Variants in PCLAF observed in about 807,000 individuals in gnomAD.
PCLAF encodes PCNA clamp associated factor, also known as PCNA-associated factor.
A neutral mutation model predicts 15.1 loss-of-function variants in PCLAF; 12 were observed. The observed-to-expected ratio is 0.79, with a 90% confidence interval of 0.51 to 1.29. The LOEUF (loss-of-function observed/expected upper bound fraction) is 1.29. Among genes scored for constraint, PCLAF ranks in the 50% most tolerant of loss-of-function variants. The probability of loss-of-function intolerance (pLI) is 0.00; values close to 1 mark genes in which losing one functional copy is unlikely to be tolerated. For synonymous variants in PCLAF, 33 were observed against 47.1 expected (o/e 0.70, Z 1.22); for missense variants, 116 against 130.9 (o/e 0.89, Z 0.56).
At chr15:64,376,030 GC>G (rs1899591057) in intron 3 of PCLAF, among the ~76,000 whole-genome samples, 1 of 152,154 alleles carries the variant, frequency 6.6e-6, no homozygotes, top group African/African-American at 2.4e-5. Context: ...TTCAAGACCA[GC>G]CTGGCCAACA....
At chr15:64,373,394 T>C (rs971205049) in intron 3 of PCLAF, 2 of 293,958 alleles carry the variant, frequency 6.8e-6, no homozygotes, top group Non-Finnish European at 1.2e-5. Context: ...GTAGATTTGA[T>C]GAAGACCTGG....
rs991786292 is a variant in PCLAF at position 64,364,487 on chromosome 15, G to A, written c.*1543C>T. 2 of 151,982 alleles carry A rather than the reference G, an allele frequency of 1.3e-5. No individual in the cohort carries two copies. Among genetic ancestry groups the A allele is most frequent in the African/African-American group, 2.4e-5 (1 of 41,400 alleles). The allele number at this position is 151,982 out of a possible 1,614,324, so 9.4% of individuals were successfully genotyped here. A position where few individuals can be genotyped will look rare whatever the true frequency, so the allele number is the denominator to read the frequency against. On this transcript the variant is annotated 3_prime_UTR_variant, in exon 4 of 4. Coordinates refer to ENST00000300035, the MANE Select transcript of PCLAF (RefSeq NM_014736.6). ...TGTCATAGTAGCTCTTAGGAGTTTT[G>A]CCATGCCTATGGGTTTATGGCATGA... is the stretch of plus-strand genomic sequence containing the variant.
intron 3 of PCLAF, 85 bp downstream of exon 3, chr15:64,376,658 A>T: frequency 9.2e-7 from 1 of 1,082,448 alleles, no homozygotes; most frequent in East Asian, 2.6e-5. Flanking sequence ...GCCTCAAGTG[A>T]TCCTCCCGCC....
At chr15:64,381,075 C>T in intron 1 of PCLAF, 37 bp from the exon 2 acceptor site, 1 of 1,597,536 alleles carries the variant, frequency 6.3e-7, no homozygotes, top group Non-Finnish European at 8.6e-7. Flanking sequence ...TCAGAAGGGG[C>T]AGGAGGGTTC....
chr15:64,381,195 A>G (rs1899805430), intron 1 of PCLAF, 131 bp downstream of exon 1: 2 of 1,235,716 alleles, frequency 1.6e-6, no homozygotes. Context: ...TAAAGGGGCC[A>G]GGCGGCTACT....
At chr15:64,376,332 C>G (rs895451814) in intron 3 of PCLAF, among the ~76,000 whole-genome samples, 1 of 151,922 alleles carries the variant, frequency 6.6e-6, no homozygotes, top group African/African-American at 2.4e-5. Context: ...AGAAACTTGA[C>G]TCAATATCCT....
chr15:64,370,658 C>T (rs1469008387), intron 3 of PCLAF, among the ~76,000 whole-genome samples: 1 of 149,676 alleles, frequency 6.7e-6, no homozygotes, highest in East Asian at 2.0e-4. Flanking sequence ...CACAAGCCAC[C>T]GCACCCAGGC....
intron 3 of PCLAF, chr15:64,373,704 G>C (rs1242490610): frequency 6.5e-7 from 1 of 1,535,594 alleles, no homozygotes; most frequent in Non-Finnish European, 8.7e-7. Context: ...TTACCCATTT[G>C]GATCAGTGTG....
At chr15:64,387,263 T>A (rs571900216) in intron 1 of PCLAF, among the ~76,000 whole-genome samples, 34 of 152,144 alleles carry the variant, frequency 2.2e-4, no homozygotes, top group African/African-American at 8.0e-4. Flanking sequence ...GTGCCTGTAG[T>A]CCCAGCTACT....
intron 3 of PCLAF, 103 bp from the exon 4 acceptor site, chr15:64,366,178 T>C (rs1254923741): frequency 1.2e-5 from 9 of 744,160 alleles, no homozygotes; most frequent in Non-Finnish European, 1.7e-5. Flanking sequence ...AACAGTGCAG[T>C]AGATCTGGTC....
chr15:64,382,514 C>T (rs149267433), upstream of PCLAF: 85 of 153,670 alleles, frequency 5.5e-4, no homozygotes, highest in Non-Finnish European at 9.3e-4. Context: ...TGAAATGAAA[C>T]GAAACGAAAC....
At chr15:64,374,295 A>C (rs899697145) in intron 3 of PCLAF, among the ~76,000 whole-genome samples, 3 of 152,140 alleles carry the variant, frequency 2.0e-5, no homozygotes, top group Non-Finnish European at 4.4e-5. Flanking sequence ...TAATCCCAGC[A>C]CTTTGGGAGG....
At chr15:64,385,966 G>A (rs1307207500), upstream of PCLAF, among the ~76,000 whole-genome samples, 1 of 152,134 alleles carries the variant, frequency 6.6e-6, no homozygotes, top group Non-Finnish European at 1.5e-5. Flanking sequence ...TCTCCTGCTT[G>A]CAGATGGCCT....
chr15:64,377,488 A>AATATAT (rs1166593614), intron 2 of PCLAF, among the ~76,000 whole-genome samples: 23 of 29,288 alleles, frequency 7.9e-4, no homozygotes, highest in African/African-American at 8.7e-4. Flanking sequence ...AAAAAAAAAA[A>AATATAT]ATATATATAT....
intron 2 of PCLAF, among the ~76,000 whole-genome samples, chr15:64,377,747 G>GTTT (rs34009261): frequency 6.7e-5 from 2 of 30,070 alleles, no homozygotes; most frequent in African/African-American, 1.0e-4. Flanking sequence ...AATTCCTGGT[G>GTTT]TTTTTTTTTT....
At chr15:64,370,589 G>A (rs1040434253) in intron 3 of PCLAF, among the ~76,000 whole-genome samples, 2 of 151,572 alleles carry the variant, frequency 1.3e-5, no homozygotes, top group African/African-American at 4.9e-5. Flanking sequence ...GGCTGGTCTC[G>A]AACTCCTGAC....
chr15:64,373,976 GT>G (rs927913776), intron 3 of PCLAF, among the ~76,000 whole-genome samples: 3 of 150,592 alleles, frequency 2.0e-5, no homozygotes, highest in Non-Finnish European at 3.0e-5. Context: ...TTTTCCCTTG[GT>G]TTTTTTTTCT....
upstream of PCLAF, among the ~76,000 whole-genome samples, chr15:64,381,835 G>A (rs1390193158): frequency 6.6e-6 from 1 of 152,206 alleles, no homozygotes; most frequent in Non-Finnish European, 1.5e-5. Flanking sequence ...CGGACTTTTT[G>A]ATGCAAATCA....
In PCLAF at chr15:64,376,766, A is replaced by G. The variant is rs374369229; in HGVS notation, c.267T>C (p.Ser89=). The G allele has an allele frequency of 1.9e-6, 3 of 1,613,172 alleles. No individual in the cohort carries two copies. The highest frequency in any genetic ancestry group is 2.2e-5 in the East Asian group (1 of 44,890). Reference sequence around the variant, plus strand: ...ACTTTCTCTTTGCTTTTCCTAAGCCACTGCTTCCTGCCTCTTCAGGAATCT... The same window carrying G: ...ACTTTCTCTTTGCTTTTCCTAAGCCGCTGCTTCCTGCCTCTTCAGGAATCT... ...ENQIPEEAGS[S]GLGKAKRKAC... is the part of the protein sequence containing the mutation. Residue 89 remains serine (S), a synonymous_variant, in exon 3 of 4, where the codon AGT becomes AGC. Coordinates refer to ENST00000300035, the MANE Select transcript of PCLAF (RefSeq NM_014736.6).
Sources: allele counts gnomAD v4.1 joint callset (sites outside exome capture counted in the v4.1 genomes callset), GRCh38; gene constraint gnomAD v4.1.1; transcripts MANE v1.5; gene names NCBI Gene and HGNC (gene_info 2026-07-23, HGNC 2026-07-21).